Variants in SLCO3A1 observed in about 807,000 individuals in gnomAD.
SLCO3A1 encodes solute carrier organic anion transporter family member 3A1, also known as PGE1 transporter.
Under a neutral mutation model 63.1 loss-of-function variants are expected in SLCO3A1, and 27 were observed. That is an observed-to-expected ratio of 0.43 (90% CI 0.32 to 0.59). The LOEUF (loss-of-function observed/expected upper bound fraction) is 0.59. SLCO3A1 is among the 20% of genes least tolerant of loss of function. The probability of loss-of-function intolerance (pLI) is 0.09; values close to 1 mark genes in which losing one functional copy is unlikely to be tolerated. For synonymous variants in SLCO3A1, 473 were observed against 409.9 expected (o/e 1.15, Z -1.86); for missense variants, 773 against 945.8 (o/e 0.82, Z 2.40).
chr15:92,012,453 C>T (rs575147471), intron 2 of SLCO3A1, among the ~76,000 whole-genome samples: 1 of 152,284 alleles, frequency 6.6e-6, no homozygotes, highest in South Asian at 2.1e-4. Context: ...CATTTCATGA[C>T]TCAGAATAGC....
rs190871468 is a variant in SLCO3A1 at position 91,916,633 on chromosome 15, T to A, written c.646+175T>A. 9.2e-5 allele frequency among the ~76,000 whole-genome samples: 14 copies of A among 152,296 alleles called. No individual in the cohort carries two copies. The highest frequency in any genetic ancestry group is 2.2e-4 in the African/African-American group (9 of 41,570). On this transcript the variant is annotated intron_variant, in intron 2 of 9. Coordinates refer to ENST00000318445, the MANE Select transcript of SLCO3A1 (RefSeq NM_013272.4). This position sits in a 1 kb window ranked among gnomAD's most constrained non-coding sequence, Gnocchi z 6.2. ...TGCAACCTGGGCATTGAGACGTTTT[T>A]AAAAGTTCCCAGGTGATTCTTGTGA...
intron 2 of SLCO3A1, among the ~76,000 whole-genome samples, chr15:92,041,784 A>G (rs2046799540): frequency 6.6e-6 from 1 of 152,226 alleles, no homozygotes; most frequent in African/African-American, 2.4e-5. Flanking sequence ...ACAGAAAGGA[A>G]TTCAGAATTA....
At chr15:91,998,384 G>A (rs987628025) in intron 2 of SLCO3A1, among the ~76,000 whole-genome samples, 75 of 152,094 alleles carry the variant, frequency 4.9e-4, no homozygotes, top group African/African-American at 1.8e-3. Context: ...ACCCTGGGAG[G>A]CTGAGGTTGC....
At chr15:92,133,781 A>T (rs903238056) in intron 7 of SLCO3A1, among the ~76,000 whole-genome samples, 2 of 111,788 alleles carry the variant, frequency 1.8e-5, no homozygotes, top group African/African-American at 3.0e-5. Flanking sequence ...ACATTTCATT[A>T]TATAATACAA....
chr15:91,892,005 G>C (rs1897882581), intron 1 of SLCO3A1, among the ~76,000 whole-genome samples: 1 of 152,202 alleles, frequency 6.6e-6, no homozygotes, highest in Non-Finnish European at 1.5e-5. Context: ...CCCTGTCCTA[G>C]ATAAATAAGT....
At chr15:91,994,958 G>A (rs72755631) in intron 2 of SLCO3A1, among the ~76,000 whole-genome samples, 5,604 of 152,272 alleles carry the variant, frequency 0.037, 158 homozygotes, top group Non-Finnish European at 0.05. Context: ...GGAGACTCCT[G>A]TCTGGGACCC....
In SLCO3A1 at chr15:92,047,611, A is replaced by AT. The variant is rs1455939604; in HGVS notation, c.647-47270_647-47269insT. ...TATATATAATATATAATATATATAT[A>AT]ATATATAAATATATATATAAATATA... On this transcript the variant is annotated intron_variant, in intron 2 of 9. Transcript: ENST00000318445. Among the ~76,000 whole-genome samples the AT allele has an allele frequency of 3.6e-3, 87 of 24,234 alleles. 16 individuals carry two copies. Among genetic ancestry groups the AT allele is most frequent in the Admixed American group, 9.1e-3 (6 of 662 alleles). The allele number at this position is 24,234 out of a possible 152,430, so 15.9% of individuals were successfully genotyped here. A position where few individuals can be genotyped will look rare whatever the true frequency, so the allele number is the denominator to read the frequency against.
At chr15:92,058,200 GT>G (rs1177531049) in intron 2 of SLCO3A1, among the ~76,000 whole-genome samples, 5 of 152,052 alleles carry the variant, frequency 3.3e-5, no homozygotes, top group Non-Finnish European at 5.9e-5. Context: ...CGCCTGATCC[GT>G]GTAGCATCTC....
chr15:91,895,975 G>A (rs771065043), intron 1 of SLCO3A1, among the ~76,000 whole-genome samples: 2 of 152,190 alleles, frequency 1.3e-5, no homozygotes, highest in Non-Finnish European at 2.9e-5. Context: ...TTGTTTTCCA[G>A]TAGGAAGCTA....
chr15:91,922,196 G>GCACA (rs71156620), intron 2 of SLCO3A1, among the ~76,000 whole-genome samples: 6 of 151,322 alleles, frequency 4.0e-5, no homozygotes, highest in Admixed American at 1.3e-4. Flanking sequence ...GCGCGTGCAC[G>GCACA]CACACACACA....
chr15:92,049,674 A>G (rs1293097274), intron 2 of SLCO3A1, among the ~76,000 whole-genome samples: 1 of 152,196 alleles, frequency 6.6e-6, no homozygotes, highest in Admixed American at 6.5e-5. Context: ...AGAGTTAGCT[A>G]GTTAATAGCC....
intron 8 of SLCO3A1, 32 bp from the exon 9 acceptor site, chr15:92,150,918 T>G (rs750702246): frequency 6.3e-5 from 91 of 1,453,408 alleles, no homozygotes; most frequent in Non-Finnish European, 4.5e-5. Flanking sequence ...AAAAATCTGG[T>G]TTTTTTTTTC....
chr15:92,016,134 G>A lies in SLCO3A1; in HGVS notation c.647-78747G>A, dbSNP rs2046423147. ...TGGACAGGAAGATGATGTGCAAAAAGCCCAAAGATGTAAGGCTGGGAGATA... is the reference window on the plus strand; with the variant it reads ...TGGACAGGAAGATGATGTGCAAAAAACCCAAAGATGTAAGGCTGGGAGATA... On this transcript the variant is annotated intron_variant, in intron 2 of 9. Transcript: ENST00000318445. Among the ~76,000 whole-genome samples, 6 of 151,802 alleles carry A rather than the reference G, an allele frequency of 4.0e-5. No homozygotes were observed. The South Asian group carries it at 1.2e-3, about 32-fold the overall frequency.
rs535926921 is a variant in SLCO3A1 at position 92,163,570 on chromosome 15, C to A, written c.*435C>A. On this transcript the variant is annotated 3_prime_UTR_variant, in exon 10 of 10. Coordinates refer to ENST00000318445, the MANE Select transcript of SLCO3A1 (RefSeq NM_013272.4). ...ATAAAAAAAATTAAAAAAAAAAAAC[C>A]CACAAGTTGAAAACATTGCCAGATT... 27 of 983,942 alleles carry A rather than the reference C, an allele frequency of 2.7e-5. No individual in the cohort carries two copies. In the East Asian group the frequency reaches 2.3e-3, roughly 83 times the overall value. The allele number at this position is 983,942 out of a possible 1,614,324, so 61.0% of individuals were successfully genotyped here. A position where few individuals can be genotyped will look rare whatever the true frequency, so the allele number is the denominator to read the frequency against.
chr15:92,125,596 A>C (rs756460955), intron 5 of SLCO3A1, among the ~76,000 whole-genome samples: 3 of 151,188 alleles, frequency 2.0e-5, no homozygotes, highest in Non-Finnish European at 2.9e-5. Flanking sequence ...TTTCCGTGAA[A>C]CCCTCCCTTC....
rs1243485736 is a variant in SLCO3A1, at chr15:91,897,949, A to G, written c.181-18044A>G. On this transcript the variant is annotated intron_variant, in intron 1 of 9. Transcript: ENST00000318445. The surrounding 1 kb of genome is among the most constrained non-coding windows in gnomAD (Gnocchi z 4.7). Reference sequence around the variant, plus strand: ...TGCTCTACACACACGGGGTTTTTAAATTAGAAAGATATCATGAGATGCAGA... The same window carrying G: ...TGCTCTACACACACGGGGTTTTTAAGTTAGAAAGATATCATGAGATGCAGA... Among the ~76,000 whole-genome samples, 1 of 152,220 alleles carries G rather than the reference A, an allele frequency of 6.6e-6. No homozygotes were observed. The highest frequency in any genetic ancestry group is 1.5e-5 in the Non-Finnish European group (1 of 68,040).
rs57779403 is a variant in SLCO3A1, at chr15:92,128,255, C to T, written c.1374-96C>T. Reference sequence around the variant, plus strand: ...ACAATCCCATAAGCAGGGTACCACGCGACTCATCACAACAGAGGCAAAAGG... The same window carrying T: ...ACAATCCCATAAGCAGGGTACCACGTGACTCATCACAACAGAGGCAAAAGG... On this transcript the variant is annotated intron_variant, in intron 6 of 9. Transcript: ENST00000318445. 2.4e-4 allele frequency: 339 copies of T among 1,426,534 alleles called. No homozygotes were observed. The African/African-American group carries it at 3.9e-3, about 16-fold the overall frequency. 88.4% of individuals were successfully genotyped at this position (1,426,534 alleles called of 1,614,324 possible).
intron 9 of SLCO3A1, among the ~76,000 whole-genome samples, chr15:92,156,243 G>C (rs765076515): frequency 6.6e-6 from 1 of 152,120 alleles, no homozygotes; most frequent in Non-Finnish European, 1.5e-5. Context: ...GAGAGGGAGT[G>C]AGATACGGCG....
intron 8 of SLCO3A1, among the ~76,000 whole-genome samples, chr15:92,150,034 G>GGTGTCTAAC (rs1283571984): frequency 3.9e-5 from 6 of 152,196 alleles, no homozygotes; most frequent in South Asian, 2.1e-4. Context: ...ATGTTGTACT[G>GGTGTCTAAC]GTGTCTAACT....
Sources: allele counts gnomAD v4.1 joint callset (sites outside exome capture counted in the v4.1 genomes callset), GRCh38; gene constraint gnomAD v4.1.1; non-coding constraint Gnocchi (gnomAD v3.1); transcripts MANE v1.5; gene names NCBI Gene and HGNC (gene_info 2026-07-23, HGNC 2026-07-21).